Variants in STARD5 observed in about 807,000 individuals in gnomAD.
STARD5 encodes stAR-related lipid transfer protein 5.
A neutral mutation model predicts 24.6 loss-of-function variants in STARD5; 26 were observed. That is an observed-to-expected ratio of 1.06 (90% CI 0.77 to 1.47). The LOEUF (loss-of-function observed/expected upper bound fraction) is 1.47. Among genes scored for constraint, STARD5 ranks in the 40% most tolerant of loss-of-function variants. The pLI is 0.00. For synonymous variants in STARD5, 101 were observed against 99.7 expected, an observed-to-expected ratio of 1.01 and a Z score of -0.07; for missense variants, 254 against 270.8, an observed-to-expected ratio of 0.94 and a Z score of 0.44.
At position 81,311,146 on chromosome 15, in the gene STARD5, T is replaced by A. The variant is rs1900832677; in HGVS notation, c.*2110A>T. ...TGAGGCTTAGCTTTGCTCTGCCAAC[T>A]TCTTCAGAGCTGACACAGGATGAAG... On this transcript the variant is annotated 3_prime_UTR_variant, in exon 6 of 6. Coordinates refer to ENST00000302824, the MANE Select transcript of STARD5 (RefSeq NM_181900.3). 6.6e-6 allele frequency: 1 copy of A among 152,250 alleles called. No homozygotes were observed. Among genetic ancestry groups the A allele is most frequent in the East Asian group, 1.9e-4 (1 of 5,200 alleles). The allele number at this position is 152,250 out of a possible 1,614,324, so 9.4% of individuals were successfully genotyped here. A position where few individuals can be genotyped will look rare whatever the true frequency, so the allele number is the denominator to read the frequency against.
intron 3 of STARD5, among the ~76,000 whole-genome samples, chr15:81,320,747 GA>G (rs201192068): frequency 6.7e-6 from 1 of 150,122 alleles, no homozygotes; most frequent in African/African-American, 2.4e-5. Context: ...TGAAAATTTT[GA>G]AAAAAAAATC....
chr15:81,322,721 A>G, intron 2 of STARD5, 178 bp downstream of exon 2: 1 of 1,276,494 alleles, frequency 7.8e-7, no homozygotes, highest in Non-Finnish European at 1.1e-6. Context: ...AATGGACAGT[A>G]AGCTTTCACA....
chr15:81,322,912 A>T lies in STARD5; in HGVS notation c.136T>A (p.Phe46Ile). The change falls in exon 2 of 6, where the codon TTT (phenylalanine) becomes ATT (isoleucine). Residue 46 changes from phenylalanine (F) to isoleucine (I), a missense_variant. Coordinates refer to ENST00000302824, the MANE Select transcript of STARD5 (RefSeq NM_181900.3). ...VSVSWRPSVE[F>I]PGNLYRGEGI... ...GCATGCACTTACAGGTTCCCTGGAA[A>T]CTCCACAGATGGCCTCCAGGAAACT... 5 of 1,614,158 alleles carry T rather than the reference A, an allele frequency of 3.1e-6. No individual in the cohort carries two copies. The highest frequency in any genetic ancestry group is 4.2e-6 in the Non-Finnish European group (5 of 1,180,028).
chr15:81,315,435 G>A (rs1267937544), intron 5 of STARD5, among the ~76,000 whole-genome samples: 4 of 152,022 alleles, frequency 2.6e-5, no homozygotes, highest in African/African-American at 9.7e-5. Flanking sequence ...GGCAAAAGGG[G>A]GCACAGAGGA....
intron 1 of STARD5, chr15:81,323,796 A>ACTTACC: frequency 1.4e-6 from 1 of 705,100 alleles, no homozygotes; most frequent in Non-Finnish European, 2.4e-6. Context: ...AGGAACAGAT[A>ACTTACC]CTTACCACCT....
chr15:81,319,086 T>C (rs904664165), intron 4 of STARD5, among the ~76,000 whole-genome samples: 1 of 149,430 alleles, frequency 6.7e-6, no homozygotes, highest in African/African-American at 2.5e-5. Flanking sequence ...CACCATGAGC[T>C]TCCGCAGGAA....
chr15:81,314,598 C>T (rs1016184611), intron 5 of STARD5, among the ~76,000 whole-genome samples: 1 of 152,040 alleles, frequency 6.6e-6, no homozygotes, highest in African/African-American at 2.4e-5. Flanking sequence ...AATCCCACTC[C>T]CCAGGGCCAA....
rs1900830899 is a variant in STARD5 at position 81,311,108 on chromosome 15, T to A, written c.*2148A>T. The A allele has an allele frequency of 6.6e-6, 1 of 152,256 alleles. No individual in the cohort carries two copies. Among genetic ancestry groups the A allele is most frequent in the Admixed American group, 6.5e-5 (1 of 15,284 alleles). The allele number at this position is 152,256 out of a possible 1,614,324, so 9.4% of individuals were successfully genotyped here. A position where few individuals can be genotyped will look rare whatever the true frequency, so the allele number is the denominator to read the frequency against. On this transcript the variant is annotated 3_prime_UTR_variant, in exon 6 of 6. Transcript: ENST00000302824. ...CTCATCCATTTGCGTTCCATGATGC[T>A]GGGATTTACACTTGAGGCTTAGCTT...
At chr15:81,318,721 GACAC>G (rs749747508) in intron 4 of STARD5, among the ~76,000 whole-genome samples, 4 of 151,826 alleles carry the variant, frequency 2.6e-5, no homozygotes, top group South Asian at 4.2e-4. Flanking sequence ...CTCACACACA[GACAC>G]ACACACACTT....
rs1215854554 is a variant in STARD5, at chr15:81,313,132, A to G, written c.*124T>C. On this transcript the variant is annotated 3_prime_UTR_variant, in exon 6 of 6. Coordinates refer to ENST00000302824, the MANE Select transcript of STARD5 (RefSeq NM_181900.3). ...CTGGTTGGCATTCTCAGAGATGCGC[A>G]GTCCATCAGCTTGTTCCAAAGAGTG... 3 of 1,178,068 alleles carry G rather than the reference A, an allele frequency of 2.5e-6. No individual in the cohort carries two copies. Among genetic ancestry groups the G allele is most frequent in the Non-Finnish European group, 3.4e-6 (3 of 877,428 alleles). The allele number at this position is 1,178,068 out of a possible 1,614,324, so 73.0% of individuals were successfully genotyped here.
At position 81,322,879 on chromosome 15, in the gene STARD5, T is replaced by G. The variant is rs74894683; in HGVS notation, c.149+20A>C. The G allele has an allele frequency of 1.9e-6, 3 of 1,614,218 alleles. No homozygotes were observed. The highest frequency in any genetic ancestry group is 2.5e-6 in the Non-Finnish European group (3 of 1,180,032). The stretch of plus-strand genomic sequence containing the variant: ...AGGGTGCGGCACCTCTGGTAATCTT[T>G]GAACGAGGCATGCACTTACAGGTTC... On this transcript the variant is annotated intron_variant, in intron 2 of 5. Coordinates refer to ENST00000302824, the MANE Select transcript of STARD5 (RefSeq NM_181900.3).
intron 5 of STARD5, among the ~76,000 whole-genome samples, chr15:81,314,403 T>C (rs778420949): frequency 6.6e-6 from 1 of 152,158 alleles, no homozygotes; most frequent in Admixed American, 6.5e-5. Context: ...CGATCTTCAC[T>C]GTGACAAACT....
At chr15:81,318,384 C>A (rs750086124) in intron 5 of STARD5, 25 bp downstream of exon 5, 6 of 1,604,596 alleles carry the variant, frequency 3.7e-6, no homozygotes, top group African/African-American at 2.7e-5. Flanking sequence ...GAGCCATGTA[C>A]CTCAATGCAG....
At chr15:81,314,482 A>C (rs59572492) in intron 5 of STARD5, among the ~76,000 whole-genome samples, 3,342 of 152,302 alleles carry the variant, frequency 0.022, 112 homozygotes, top group African/African-American at 0.067. Context: ...ACTTGAATGC[A>C]ACTGTCCACT....
At position 81,311,562 on chromosome 15, in the gene STARD5, C is replaced by T. The variant is rs1017312563; in HGVS notation, c.*1694G>A. On this transcript the variant is annotated 3_prime_UTR_variant, in exon 6 of 6. Coordinates refer to ENST00000302824, the MANE Select transcript of STARD5 (RefSeq NM_181900.3). ...TCCCATAGGCCCAGTGAGATGCATT[C>T]TTGGTTGGCTGGCCTTCCACTTGGC... The T allele has an allele frequency of 1.3e-5, 2 of 152,270 alleles. No individual in the cohort carries two copies. Among genetic ancestry groups the T allele is most frequent in the South Asian group, 4.1e-4 (2 of 4,832 alleles). The allele number at this position is 152,270 out of a possible 1,614,324, so 9.4% of individuals were successfully genotyped here.
rs1277383948 is a variant in STARD5 at position 81,311,714 on chromosome 15, T to G, written c.*1542A>C. On this transcript the variant is annotated 3_prime_UTR_variant, in exon 6 of 6. Coordinates refer to ENST00000302824, the MANE Select transcript of STARD5 (RefSeq NM_181900.3). ...AGAATTGGCTGAACTCATGAGAAGT[T>G]GATATAGAACAGTGCTTGCCACAGA... 1 of 152,162 alleles carries G rather than the reference T, an allele frequency of 6.6e-6. No individual in the cohort carries two copies. The highest frequency in any genetic ancestry group is 1.5e-5 in the Non-Finnish European group (1 of 68,046). 9.4% of individuals were successfully genotyped at this position (152,162 alleles called of 1,614,324 possible).
intron 1 of STARD5, chr15:81,323,593 G>T: frequency 7.5e-7 from 1 of 1,337,290 alleles, no homozygotes; most frequent in Non-Finnish European, 1.1e-6. Context: ...TCAGATGCTG[G>T]ATCAGACTTT....
intron 5 of STARD5, among the ~76,000 whole-genome samples, chr15:81,317,944 C>G (rs148407341): frequency 6.6e-6 from 1 of 152,100 alleles, no homozygotes; most frequent in African/African-American, 2.4e-5. Flanking sequence ...CATTCCTTGC[C>G]GAGGAGAGAT....
chr15:81,313,535 GC>G lies in STARD5; in HGVS notation c.495-133del, dbSNP rs967870528. 9.3e-6 allele frequency: 8 copies of G among 857,668 alleles called. No individual in the cohort carries two copies. The African/African-American group carries it at 1.4e-4, about 15-fold the overall frequency. 53.1% of individuals were successfully genotyped at this position (857,668 alleles called of 1,614,324 possible). A position where few individuals can be genotyped will look rare whatever the true frequency, so the allele number is the denominator to read the frequency against. On this transcript the variant is annotated intron_variant, in intron 5 of 5. Transcript: ENST00000302824. ...GTGATCGCGTCTCATCCCTTGCTGTGCCCTCCACCCAGGAGTCCTCTCTGGA... is the reference window on the plus strand; with the variant it reads ...GTGATCGCGTCTCATCCCTTGCTGTGCCTCCACCCAGGAGTCCTCTCTGGA...
Sources: gnomAD v4.1 joint callset for allele counts (sites outside exome capture counted in the v4.1 genomes callset) on GRCh38, gnomAD v4.1.1 for gene constraint, MANE v1.5 for transcripts, NCBI Gene and HGNC (gene_info 2026-07-23, HGNC 2026-07-21) for gene names.